TMEM204: variants seen among roughly 807,000 people sequenced by gnomAD.
TMEM204 encodes the protein claudin-like protein 24.
TMEM204 carries 15 observed loss-of-function variants against 19.4 expected under a neutral mutation model. That is an observed-to-expected ratio of 0.77 (90% confidence interval 0.52 to 1.19). The LOEUF (loss-of-function observed/expected upper bound fraction) is 1.19, where lower values mean the gene tolerates loss of function less well. TMEM204 is among the 50% of genes most tolerant of loss of function. The pLI, the probability that TMEM204 is intolerant of heterozygous loss-of-function variation, is 0.00. For synonymous variants in TMEM204, 161 were observed against 146.0 expected (o/e 1.10, Z -0.74); for missense variants, 287 against 321.2 (o/e 0.89, Z 0.81).
rs957003498 is a variant in TMEM204 at position 1,551,537 on chromosome 16, G to A, written c.437-3245G>A. On this transcript the variant is annotated intron_variant, in intron 2 of 2. Coordinates refer to ENST00000566264, the MANE Select transcript of TMEM204 (RefSeq NM_024600.6). This position sits in a 1 kb window ranked among gnomAD's most constrained non-coding sequence, Gnocchi z 4.0. Reference sequence around the variant, plus strand: ...TGAGTGCTGGGGAGACAGGATGTGAGTTTCATACAGATCAGGGTGCAGCGG... The same window carrying A: ...TGAGTGCTGGGGAGACAGGATGTGAATTTCATACAGATCAGGGTGCAGCGG... 6.6e-6 allele frequency among the ~76,000 whole-genome samples: 1 copy of A among 152,170 alleles called. No individual in the cohort carries two copies. The highest frequency in any genetic ancestry group is 2.4e-5 in the African/African-American group (1 of 41,442).
chr16:1,531,105 G>A (rs1244466903), upstream of TMEM204: 1 of 152,368 alleles, frequency 6.6e-6, no homozygotes, highest in African/African-American at 2.4e-5. The surrounding 1 kb of genome is among the most constrained non-coding windows in gnomAD (Gnocchi z 4.7). Context: ...GGCCGGCCAG[G>A]GCTCTCGGGA....
chr16:1,538,068 C>A (rs2141260217), intron 1 of TMEM204, among the ~76,000 whole-genome samples: 1 of 152,324 alleles, frequency 6.6e-6, no homozygotes, highest in East Asian at 1.9e-4. Context: ...ACCCCAGGAA[C>A]CCGTATAACA....
In TMEM204 at chr16:1,553,002, TAAG is replaced by T. The variant is rs1304109407; in HGVS notation, c.437-1776_437-1774del. ...GAAGTATCCAGGAGCTACCCATGTATAAGAAGCTCCATGAAGTATTATAAAGAA... is the reference window on the plus strand; with the variant it reads ...GAAGTATCCAGGAGCTACCCATGTATAAGCTCCATGAAGTATTATAAAGAA... On this transcript the variant is annotated intron_variant, in intron 2 of 2. Coordinates refer to ENST00000566264, the MANE Select transcript of TMEM204 (RefSeq NM_024600.6). The surrounding 1 kb of genome is among the most constrained non-coding windows in gnomAD (Gnocchi z 4.4). 1.0e-6 allele frequency: 1 copy of T among 985,260 alleles called. No individual in the cohort carries two copies. The highest frequency in any genetic ancestry group is 1.2e-6 in the Non-Finnish European group (1 of 829,900). The allele number at this position is 985,260 out of a possible 1,614,324, so 61.0% of individuals were successfully genotyped here. A position where few individuals can be genotyped will look rare whatever the true frequency, so the allele number is the denominator to read the frequency against.
chr16:1,541,944 T>C lies in TMEM204; in HGVS notation c.304T>C (p.Cys102Arg). ...AGTGCAGTTCGACATGATGCGCGCC[T>C]GCAACCTGGTGGCCACGGCCGCGCT... ...VKLQFDMMRA[C>R]NLVATAALTA... Residue 102 changes from cysteine to arginine, a missense_variant, in exon 2 of 3, where the codon TGC (cysteine) becomes CGC (arginine). Cys to Arg is a radical substitution (Grantham distance 180). Transcript: ENST00000566264. The C allele has an allele frequency of 6.2e-7, 1 of 1,607,872 alleles. No homozygotes were observed. Among genetic ancestry groups the C allele is most frequent in the Non-Finnish European group, 8.5e-7 (1 of 1,178,020 alleles).
At chr16:1,531,960 G>C (rs1446855641), upstream of TMEM204, 1 of 152,264 alleles carries the variant, frequency 6.6e-6, no homozygotes, top group Non-Finnish European at 1.5e-5. This position sits in a 1 kb window ranked among gnomAD's most constrained non-coding sequence, Gnocchi z 4.7. Context: ...GAAGACTCCC[G>C]AAAGATTAAT....
At chr16:1,546,144 T>C (rs528347798) in intron 2 of TMEM204, among the ~76,000 whole-genome samples, 165 of 152,326 alleles carry the variant, frequency 1.1e-3, no homozygotes, top group African/African-American at 3.8e-3. Context: ...AAAGGAGTAT[T>C]GAAGGGGGTC....
At chr16:1,536,700 C>T (rs1305343890) in intron 1 of TMEM204, among the ~76,000 whole-genome samples, 1 of 152,304 alleles carries the variant, frequency 6.6e-6, no homozygotes, top group African/African-American at 2.4e-5. Context: ...AACACGGGGA[C>T]GCGCCCAGAG....
At chr16:1,546,643 C>T (rs956212072) in intron 2 of TMEM204, among the ~76,000 whole-genome samples, 10 of 152,212 alleles carry the variant, frequency 6.6e-5, no homozygotes, top group African/African-American at 2.4e-4. Context: ...GCCTGTCTCC[C>T]TCGGGGGCGC....
chr16:1,554,267 G>T, intron 2 of TMEM204: 1 of 460,574 alleles, frequency 2.2e-6, no homozygotes, highest in Non-Finnish European at 3.6e-6. Flanking sequence ...ATAGCTCTGG[G>T]CGCGATGAGC....
intron 1 of TMEM204, among the ~76,000 whole-genome samples, chr16:1,538,014 C>T (rs368853030): frequency 1.1e-3 from 171 of 152,360 alleles, no homozygotes; most frequent in African/African-American, 3.9e-3. Context: ...GCTGCTACCA[C>T]GCACAGCCAC....
chr16:1,540,374 C>T (rs563707299), intron 1 of TMEM204, among the ~76,000 whole-genome samples: 5 of 152,354 alleles, frequency 3.3e-5, no homozygotes, highest in South Asian at 2.1e-4. Flanking sequence ...TAAAGCAGCC[C>T]GCATCCCCCA....
At chr16:1,544,632 A>T (rs2031987189) in intron 2 of TMEM204, among the ~76,000 whole-genome samples, 1 of 151,562 alleles carries the variant, frequency 6.6e-6, no homozygotes, top group African/African-American at 2.4e-5. Context: ...GCCCAGCTGG[A>T]TCACTGCATT....
Position 1,551,172 on chromosome 16 carries a change from T to G in TMEM204, c.437-3610T>G, listed in dbSNP as rs1462549040. Among the ~76,000 whole-genome samples, 1 of 152,250 alleles carries G rather than the reference T, an allele frequency of 6.6e-6. No individual in the cohort carries two copies. Among genetic ancestry groups the G allele is most frequent in the East Asian group, 1.9e-4 (1 of 5,194 alleles). On this transcript the variant is annotated intron_variant, in intron 2 of 2. Transcript: ENST00000566264. This position sits in a 1 kb window ranked among gnomAD's most constrained non-coding sequence, Gnocchi z 4.0. ...CTCAAAAAGTAATTGCGGAGAGACT[T>G]CTGGGAAGCTGTGGTCAATGGTGGG...
At position 1,534,540 on chromosome 16, in the gene TMEM204, C is replaced by T. The variant is rs1178115225; in HGVS notation, c.265C>T (p.Arg89Ter). 6.9e-6 allele frequency: 11 copies of T among 1,604,312 alleles called. No homozygotes were observed. Among genetic ancestry groups the T allele is most frequent in the African/African-American group, 4.0e-5 (3 of 74,934 alleles). Residue 89 changes from arginine (R) to a stop codon, truncating the protein, a stop_gained, in exon 1 of 3, where the codon CGA becomes TGA. Transcript: ENST00000566264. LOFTEE classifies it high-confidence loss of function. ...CGAGGCAGCCGGCTTCCAGGAGTCC[C>T]GAGGCACCGTCAAACGTAAGTCCAA... ...GSEAAGFQES[R>*]GTVKLQFDMM...
At chr16:1,540,354 A>G (rs2141278249) in intron 1 of TMEM204, among the ~76,000 whole-genome samples, 1 of 152,278 alleles carries the variant, frequency 6.6e-6, no homozygotes, top group South Asian at 2.1e-4. Flanking sequence ...CCACGTAAAC[A>G]CTCACGAAGT....
At chr16:1,544,593 G>C (rs2031983465) in intron 2 of TMEM204, among the ~76,000 whole-genome samples, 1 of 152,048 alleles carries the variant, frequency 6.6e-6, no homozygotes, top group Admixed American at 6.5e-5. Context: ...GCCTCCCAAA[G>C]TGCTGGAATT....
intron 2 of TMEM204, among the ~76,000 whole-genome samples, chr16:1,550,857 G>A (rs1179435130): frequency 6.6e-6 from 1 of 152,254 alleles, no homozygotes; most frequent in African/African-American, 2.4e-5. Context: ...CTCTGTGGCT[G>A]ACGCTGACCC....
chr16:1,549,433 C>G (rs2032453515), intron 2 of TMEM204, among the ~76,000 whole-genome samples: 1 of 152,196 alleles, frequency 6.6e-6, no homozygotes, highest in African/African-American at 2.4e-5. Context: ...TTCTTTCTTT[C>G]TTTGTTTTTT....
chr16:1,530,628 A>T (rs2030367391), upstream of TMEM204: 1 of 150,670 alleles, frequency 6.6e-6, no homozygotes, highest in Non-Finnish European at 1.5e-5. Context: ...GGAATGTGGC[A>T]GCTGACTTGG....
Sources: allele counts gnomAD v4.1 joint callset (sites outside exome capture counted in the v4.1 genomes callset), GRCh38; gene constraint gnomAD v4.1.1; non-coding constraint Gnocchi (gnomAD v3.1); transcripts MANE v1.5; gene names NCBI Gene and HGNC (gene_info 2026-07-23, HGNC 2026-07-21).